Variants in ETFA observed in about 807,000 individuals in gnomAD.
ETFA encodes electron transfer flavoprotein subunit alpha, also known as electron transfer flavoprotein subunit alpha, mitochondrial.
A neutral mutation model predicts 46.2 loss-of-function variants in ETFA; 22 were observed. The observed-to-expected ratio is 0.48, with a 90% confidence interval of 0.34 to 0.68. The LOEUF (loss-of-function observed/expected upper bound fraction) is 0.68, where lower values mean the gene tolerates loss of function less well. ETFA is among the 30% of genes least tolerant of loss of function. The pLI is 0.01. For synonymous variants in ETFA, 131 were observed against 139.9 expected, an observed-to-expected ratio of 0.94 and a Z score of 0.45; for missense variants, 345 against 401.1, an observed-to-expected ratio of 0.86 and a Z score of 1.19.
intron 1 of ETFA, among the ~76,000 whole-genome samples, chr15:76,306,013 T>A (rs1461286785): frequency 1.3e-5 from 2 of 151,956 alleles, no homozygotes; most frequent in African/African-American, 4.8e-5. Context: ...GTGCCCAGCA[T>A]CAGCCTCATT....
chr15:76,218,395 G>A (rs1284490974), intron 11 of ETFA, among the ~76,000 whole-genome samples: 1 of 152,130 alleles, frequency 6.6e-6, no homozygotes, highest in Non-Finnish European at 1.5e-5. Flanking sequence ...AGCCTCCCAA[G>A]TAGCTGTGAT....
intron 9 of ETFA, among the ~76,000 whole-genome samples, chr15:76,244,432 A>C (rs777674818): frequency 1.3e-4 from 20 of 152,188 alleles, no homozygotes; most frequent in Non-Finnish European, 2.4e-4. Flanking sequence ...CTTTCAGACT[A>C]AGTTTGGTTA....
chr15:76,283,939 G>T, intron 7 of ETFA, 114 bp from the exon 8 acceptor site: 1 of 722,338 alleles, frequency 1.4e-6, no homozygotes, highest in Non-Finnish European at 2.5e-6. Flanking sequence ...GCCATATTAA[G>T]CATGTCACCT....
intron 9 of ETFA, chr15:76,259,384 C>T (rs918940971): frequency 1.9e-5 from 28 of 1,484,008 alleles, no homozygotes; most frequent in East Asian, 9.0e-5. Flanking sequence ...TACAAAAGGT[C>T]GTCTGAAGGC....
At chr15:76,270,249 G>C (rs115110756) in intron 9 of ETFA, among the ~76,000 whole-genome samples, 1 of 152,268 alleles carries the variant, frequency 6.6e-6, no homozygotes, top group African/African-American at 2.4e-5. Context: ...AGCTTGAGTG[G>C]GGCAAGGAGG....
chr15:76,301,743 A>G (rs2039882048), intron 1 of ETFA, among the ~76,000 whole-genome samples: 1 of 152,170 alleles, frequency 6.6e-6, no homozygotes, highest in Admixed American at 6.5e-5. Flanking sequence ...ACACCTCTTC[A>G]TCAAAGGAAT....
intron 9 of ETFA, among the ~76,000 whole-genome samples, chr15:76,258,533 G>A (rs1350120290): frequency 1.3e-5 from 2 of 152,222 alleles, no homozygotes; most frequent in Non-Finnish European, 2.9e-5. Context: ...GTGACTTGGA[G>A]GGGCAAACCT....
In ETFA at chr15:76,287,943, G is replaced by T; in HGVS notation, c.354C>A (p.Asn118Lys). ...GTTTGGCTGCTACTCTGGGCAAAAG[G>T]TTCTAAAAGCAAAATAAGCAGTGAG... is the stretch of plus-strand genomic sequence containing the variant. Reference protein sequence around the residue: ...ICAGASAFGKNLLPRVAAKLE... With the variant: ...ICAGASAFGKKLLPRVAAKLE... The change falls in exon 5 of 12, where the codon AAC becomes AAA. Residue 118 changes from asparagine (N) to lysine (K), a missense_variant and splice_region_variant. Asn to Lys is a moderately conservative substitution (Grantham distance 94, BLOSUM62 0). Coordinates refer to ENST00000557943, the MANE Select transcript of ETFA (RefSeq NM_000126.4). 8 of 1,612,082 alleles carry T rather than the reference G, an allele frequency of 5.0e-6. No individual in the cohort carries two copies. Among genetic ancestry groups the T allele is most frequent in the Non-Finnish European group, 6.8e-6 (8 of 1,178,216 alleles).
chr15:76,264,749 A>G (rs577383558), intron 9 of ETFA, among the ~76,000 whole-genome samples: 11 of 152,338 alleles, frequency 7.2e-5, no homozygotes, highest in Non-Finnish European at 1.6e-4. Flanking sequence ...CTACTCTTTT[A>G]GCTAAGGCTA....
intron 9 of ETFA, among the ~76,000 whole-genome samples, chr15:76,270,639 G>T (rs2039519972): frequency 6.6e-6 from 1 of 152,128 alleles, no homozygotes; most frequent in Admixed American, 6.6e-5. Context: ...TTGGAGAAAG[G>T]ACTGGTTCCA....
intron 9 of ETFA, among the ~76,000 whole-genome samples, chr15:76,239,475 T>C (rs1471485814): frequency 1.3e-5 from 2 of 152,088 alleles, no homozygotes; most frequent in Admixed American, 6.6e-5. Flanking sequence ...TTCTGTACAA[T>C]AGATCCCCAG....
At chr15:76,310,006 T>G (rs1596231493) in intron 1 of ETFA, 1 of 142,310 alleles carries the variant, frequency 7.0e-6, no homozygotes, top group Admixed American at 8.1e-5. Context: ...CCGAGGCAGG[T>G]GGATCACTTG....
At chr15:76,280,917 CTT>C (rs35907442) in intron 8 of ETFA, among the ~76,000 whole-genome samples, 4 of 102,064 alleles carry the variant, frequency 3.9e-5, no homozygotes, top group Admixed American at 1.2e-4. Context: ...GTTCAGATGT[CTT>C]TTTTTTTTTT....
chr15:76,250,366 G>A (rs574581540), intron 9 of ETFA, among the ~76,000 whole-genome samples: 1 of 151,612 alleles, frequency 6.6e-6, no homozygotes, highest in East Asian at 1.9e-4. Context: ...AACAAGGCTG[G>A]TCATAAAATC....
At chr15:76,250,927 T>C (rs2039292491) in intron 9 of ETFA, among the ~76,000 whole-genome samples, 1 of 152,026 alleles carries the variant, frequency 6.6e-6, no homozygotes, top group Non-Finnish European at 1.5e-5. Flanking sequence ...ATATTGTTTC[T>C]TAAATTCAGG....
chr15:76,246,614 G>C (rs560994003), intron 9 of ETFA, among the ~76,000 whole-genome samples: 13 of 152,126 alleles, frequency 8.5e-5, no homozygotes, highest in East Asian at 5.8e-4. Flanking sequence ...GGCAGATCAC[G>C]AGGTCAGGAG....
At chr15:76,246,556 G>A (rs2039244395) in intron 9 of ETFA, among the ~76,000 whole-genome samples, 1 of 152,164 alleles carries the variant, frequency 6.6e-6, no homozygotes, top group Admixed American at 6.5e-5. Context: ...AATTGGTTGG[G>A]CACGGTGGCT....
At chr15:76,241,843 A>T (rs1425780952) in intron 9 of ETFA, among the ~76,000 whole-genome samples, 92 of 111,176 alleles carry the variant, frequency 8.3e-4, no homozygotes, top group African/African-American at 2.7e-3. Context: ...TGACTATCAA[A>T]TTTTTTTTTT....
At chr15:76,241,773 G>A (rs2141473840) in intron 9 of ETFA, among the ~76,000 whole-genome samples, 1 of 121,886 alleles carries the variant, frequency 8.2e-6, no homozygotes, top group East Asian at 2.6e-4. Context: ...CTGCACTCCA[G>A]CCTGGGCGAC....
Sources: gnomAD v4.1 joint callset for allele counts (sites outside exome capture counted in the v4.1 genomes callset) on GRCh38, gnomAD v4.1.1 for gene constraint, MANE v1.5 for transcripts, NCBI Gene and HGNC (gene_info 2026-07-23, HGNC 2026-07-21) for gene names.